Variants in TASOR observed in about 807,000 individuals in gnomAD.
The protein encoded by TASOR is protein TASOR.
A neutral mutation model predicts 178.6 loss-of-function variants in TASOR; 53 were observed. That is an observed-to-expected ratio of 0.30 (90% confidence interval 0.24 to 0.37). The LOEUF (loss-of-function observed/expected upper bound fraction) is 0.37. Among genes scored for constraint, TASOR ranks in the 10% least tolerant of loss-of-function variants. TASOR has a pLI of 1.00. For synonymous variants in TASOR, 713 were observed against 696.2 expected, an observed-to-expected ratio of 1.02 and a Z score of -0.38; for missense variants, 1,815 against 1,971.4, an observed-to-expected ratio of 0.92 and a Z score of 1.50.
At chr3:56,675,104 A>G (rs1341485043) in intron 1 of TASOR, among the ~76,000 whole-genome samples, 1 of 151,044 alleles carries the variant, frequency 6.6e-6, no homozygotes, top group Non-Finnish European at 1.5e-5. Context: ...AGATTCAGGC[A>G]TGAGCCACCG....
chr3:56,659,247 TAAA>T (rs959869048), intron 11 of TASOR, among the ~76,000 whole-genome samples: 2 of 151,290 alleles, frequency 1.3e-5, no homozygotes, highest in Non-Finnish European at 2.9e-5. Context: ...AAGTGAGAAG[TAAA>T]AAGTCAACTG....
chr3:56,661,275 C>G (rs970663243), intron 9 of TASOR, among the ~76,000 whole-genome samples: 3 of 152,122 alleles, frequency 2.0e-5, no homozygotes, highest in Admixed American at 6.5e-5. Flanking sequence ...ACCTCCAGGG[C>G]AGCTGGGACT....
rs144692611 is a variant in TASOR at position 56,621,183 on chromosome 3, C to CAA, written c.*1852_*1853dup. The CAA allele has an allele frequency of 1.7e-4, 26 of 151,458 alleles. No individual in the cohort carries two copies. The East Asian group carries it at 1.9e-3, about 11-fold the overall frequency. 9.4% of individuals were successfully genotyped at this position (151,458 alleles called of 1,614,324 possible). A position where few individuals can be genotyped will look rare whatever the true frequency, so the allele number is the denominator to read the frequency against. ...CCAAAAAAAAACAAAACAACAACAA[C>CAA]AAAAAAAAAACACTGTATGTTAAGG... is the stretch of plus-strand genomic sequence containing the variant. On this transcript the variant is annotated 3_prime_UTR_variant, in exon 24 of 24. Transcript: ENST00000683822.
At chr3:56,623,730 C>A (rs957844280) in intron 23 of TASOR, 164 bp from the exon 24 acceptor site, 87 of 1,550,558 alleles carry the variant, frequency 5.6e-5, no homozygotes, top group Non-Finnish European at 7.2e-5. Context: ...AACACTCACA[C>A]TAGATGTGAA....
chr3:56,629,571 T>C (rs1158496343), intron 18 of TASOR, among the ~76,000 whole-genome samples: 1 of 152,216 alleles, frequency 6.6e-6, no homozygotes, highest in Non-Finnish European at 1.5e-5. Flanking sequence ...AAGTAGACTT[T>C]CCCAACTAGT....
At chr3:56,643,347 T>G (rs1024421946) in intron 14 of TASOR, among the ~76,000 whole-genome samples, 5 of 152,056 alleles carry the variant, frequency 3.3e-5, no homozygotes, top group Non-Finnish European at 5.9e-5. Flanking sequence ...ATAGGTACAC[T>G]GATATAAACT....
intron 14 of TASOR, among the ~76,000 whole-genome samples, chr3:56,643,701 G>C (rs1205109813): frequency 6.6e-6 from 1 of 150,630 alleles, no homozygotes; most frequent in Admixed American, 6.6e-5. Context: ...CTTGCAGTGA[G>C]CCGAGATTGT....
intron 11 of TASOR, among the ~76,000 whole-genome samples, chr3:56,653,872 G>A (rs1405564585): frequency 6.6e-6 from 1 of 152,080 alleles, no homozygotes; most frequent in Non-Finnish European, 1.5e-5. Flanking sequence ...TGAAAATACT[G>A]CACATTAAAA....
chr3:56,629,818 C>T (rs1379055247), intron 18 of TASOR, among the ~76,000 whole-genome samples: 12 of 152,174 alleles, frequency 7.9e-5, no homozygotes, highest in Admixed American at 7.2e-4. Context: ...GCTCTTTCAA[C>T]CTGAAGTGTT....
chr3:56,670,940 CAAAAAAAAAAA>C (rs11300845), intron 3 of TASOR, among the ~76,000 whole-genome samples: 5 of 54,190 alleles, frequency 9.2e-5, no homozygotes, highest in South Asian at 1.8e-3. Context: ...GACTCCATCT[CAAAAAAAAAAA>C]AAAAAAAAAA....
intron 19 of TASOR, 92 bp downstream of exon 19, chr3:56,628,400 C>T (rs1225356856): frequency 2.5e-5 from 30 of 1,217,864 alleles, no homozygotes; most frequent in African/African-American, 4.6e-5. Flanking sequence ...TCCTTTAAAG[C>T]TTATTTTAAA....
chr3:56,624,070 C>G (rs1030161358), intron 23 of TASOR, among the ~76,000 whole-genome samples: 2 of 152,100 alleles, frequency 1.3e-5, no homozygotes, highest in Non-Finnish European at 2.9e-5. Context: ...TACTATCTTG[C>G]AATTAAATTG....
At position 56,623,251 on chromosome 3, in the gene TASOR, C is replaced by T. The variant is rs1393963282; in HGVS notation, c.4799G>A (p.Ser1600Asn). The T allele has an allele frequency of 6.2e-7, 1 of 1,613,442 alleles. No homozygotes were observed. Among genetic ancestry groups the T allele is most frequent in the East Asian group, 2.2e-5 (1 of 44,822 alleles). Reference protein sequence around the residue: ...DSYSNFQVYHSQLNMSHQFSH... With the variant: ...DSYSNFQVYHNQLNMSHQFSH... The stretch of plus-strand genomic sequence containing the variant: ...AAACTGATGGGACATATTTAATTGA[C>T]TATGATAAACCTGAAAGTTACTATA... Residue 1600 changes from serine to asparagine, a missense_variant, in exon 24 of 24, where the codon AGT becomes AAT. By Grantham distance (46) the Ser-to-Asn change is conservative. Around this residue, in one of 5 missense-constraint regions of TASOR, gnomAD observed 278 missense variants for 257.1 expected, o/e 1.08. Coordinates refer to ENST00000683822, the MANE Select transcript of TASOR (RefSeq NM_001365635.2).
At chr3:56,629,615 C>T (rs913044126) in intron 18 of TASOR, among the ~76,000 whole-genome samples, 2 of 152,166 alleles carry the variant, frequency 1.3e-5, no homozygotes, top group Non-Finnish European at 2.9e-5. Context: ...CATGGTACTG[C>T]CTTTCACAGG....
intron 13 of TASOR, among the ~76,000 whole-genome samples, chr3:56,647,719 G>A (rs1024988605): frequency 1.3e-5 from 2 of 152,076 alleles, no homozygotes; most frequent in African/African-American, 4.8e-5. Flanking sequence ...GCCATTAGTG[G>A]GAACTTTAGC....
At chr3:56,682,579 C>G in intron 1 of TASOR, 97 bp downstream of exon 1, 2 of 1,117,764 alleles carry the variant, frequency 1.8e-6, no homozygotes, top group Non-Finnish European at 2.4e-6. Context: ...TGCGTGTTTA[C>G]GTATCTCGGA....
At position 56,682,995 on chromosome 3, in the gene TASOR, A is replaced by G. The variant is rs769600994; in HGVS notation, c.12T>C (p.Ala4=). Residue 4 remains alanine (A), a synonymous_variant, in exon 1 of 24, where the codon GCT becomes GCC. Coordinates refer to ENST00000683822, the MANE Select transcript of TASOR (RefSeq NM_001365635.2). ...TCGGCTGACAGGCCTCCGTCTCCAC[A>G]GCAGTCGCCATCGCGCCGGCCTAAG... MAT[A]VETEACQPTD... is the part of the protein sequence containing the mutation. 24 of 1,544,468 alleles carry G rather than the reference A, an allele frequency of 1.6e-5. No homozygotes were observed. The Admixed American group carries it at 2.2e-4, about 14-fold the overall frequency.
rs775161084 is a variant in TASOR at position 56,622,509 on chromosome 3, GAGA to G, written c.*525_*527del. ...GGCAGTTTTTACATGACTAAGCCTA[GAGA>G]TAAAAAATGTGTCCTATGTACATAG... On this transcript the variant is annotated 3_prime_UTR_variant, in exon 24 of 24. Coordinates refer to ENST00000683822, the MANE Select transcript of TASOR (RefSeq NM_001365635.2). 8 of 152,546 alleles carry G rather than the reference GAGA, an allele frequency of 5.2e-5. No homozygotes were observed. The highest frequency in any genetic ancestry group is 1.2e-4 in the Non-Finnish European group (8 of 68,006). The allele number at this position is 152,546 out of a possible 1,614,324, so 9.4% of individuals were successfully genotyped here. A position where few individuals can be genotyped will look rare whatever the true frequency, so the allele number is the denominator to read the frequency against.
At chr3:56,667,618 C>G (rs1229394732) in intron 6 of TASOR, among the ~76,000 whole-genome samples, 1 of 152,182 alleles carries the variant, frequency 6.6e-6, no homozygotes, top group Non-Finnish European at 1.5e-5. Context: ...GATCACACCA[C>G]CACACTCCAG....
Sources: gnomAD v4.1 joint callset for allele counts (sites outside exome capture counted in the v4.1 genomes callset) on GRCh38, gnomAD v4.1.1 for gene constraint, gnomAD v4.1.1 regional missense constraint, MANE v1.5 for transcripts, NCBI Gene and HGNC (gene_info 2026-07-23, HGNC 2026-07-21) for gene names.